The following KLHDC7A variants were observed in gnomAD, a reference collection of about 807,000 sequenced individuals.
KLHDC7A encodes the protein kelch domain-containing protein 7A.
For synonymous variants in KLHDC7A, 464 were observed against 461.0 expected (o/e 1.01, Z -0.08); for missense variants, 1,123 against 1,052.6 (o/e 1.07, Z -0.93).
In KLHDC7A at chr1:18,481,542, A is replaced by G. The variant is rs900572478; in HGVS notation, c.561A>G (p.Pro187=). ...GCTGTGCCGGTGGTGAGCCTTCTCC[A>G]TGGCAGGACAGTAAACCCCGTGAGC... ...DGSCAGGEPS[P]WQDSKPREHP... Residue 187 remains proline (P), a synonymous_variant, in exon 1 of 1, where the codon CCA becomes CCG. Transcript: ENST00000400664. The G allele has an allele frequency of 6.2e-7, 1 of 1,613,262 alleles. No individual in the cohort carries two copies. Among genetic ancestry groups the G allele is most frequent in the Non-Finnish European group, 8.5e-7 (1 of 1,179,924 alleles).
Position 18,481,647 on chromosome 1 carries a change from C to G in KLHDC7A, c.666C>G (p.Ser222Arg). The change falls in exon 1 of 1, where the codon AGC (serine) becomes AGG (arginine). Residue 222 changes from serine (S) to arginine (R), a missense_variant. Transcript: ENST00000400664. ...AAGGCAGCAGTGACATGAACCAGAG[C>G]TGGGTCTTCACCCGTGTGATAGGGG... ...PLQGSSDMNQ[S>R]WVFTRVIGVS... 1.2e-6 allele frequency: 2 copies of G among 1,614,122 alleles called. No homozygotes were observed. Among genetic ancestry groups the G allele is most frequent in the Non-Finnish European group, 1.7e-6 (2 of 1,180,028 alleles).
chr1:18,482,427 G>A lies in KLHDC7A; in HGVS notation c.1446G>A (p.Leu482=). The A allele has an allele frequency of 1.2e-6, 2 of 1,609,350 alleles. No individual in the cohort carries two copies. Among genetic ancestry groups the A allele is most frequent in the East Asian group, 2.2e-5 (1 of 44,868 alleles). ...YGCLSGAERE[L]ILQRRLRGRQ... is the part of the protein sequence containing the mutation. ...GCCTGAGCGGGGCAGAGCGCGAGCT[G>A]ATCCTGCAGCGCCGGCTCCGGGGCC... Residue 482 remains leucine (L), a synonymous_variant, in exon 1 of 1, where the codon CTG becomes CTA. Transcript: ENST00000400664.
At position 18,483,137 on chromosome 1, in the gene KLHDC7A, C is replaced by T. The variant is rs998864083; in HGVS notation, c.2156C>T (p.Ala719Val). 4 of 1,613,934 alleles carry T rather than the reference C, an allele frequency of 2.5e-6. No individual in the cohort carries two copies. Among genetic ancestry groups the T allele is most frequent in the Admixed American group, 1.7e-5 (1 of 60,016 alleles). ...CCTTACCCGGATGCCTTCCAGTGCGCCGTGGTGGACAACCTCATCTACTGC... is the reference window on the plus strand; with the variant it reads ...CCTTACCCGGATGCCTTCCAGTGCGTCGTGGTGGACAACCTCATCTACTGC... ...RTPYPDAFQC[A>V]VVDNLIYCVG... Residue 719 changes from alanine (A) to valine (V), a missense_variant, in exon 1 of 1, where the codon GCC (alanine) becomes GTC (valine). Coordinates refer to ENST00000400664, the MANE Select transcript of KLHDC7A (RefSeq NM_152375.3).
Position 18,481,991 on chromosome 1 carries a change from G to A in KLHDC7A, c.1010G>A (p.Gly337Asp), listed in dbSNP as rs140251743. The change falls in exon 1 of 1, where the codon GGT becomes GAT. Residue 337 changes from glycine (G) to aspartate (D), a missense_variant. Transcript: ENST00000400664. ...GGGGCTGCCTCGGGAGGCCAAGCCG[G>A]TGACACAAAGGGTGCAGCCGAAAGA... ...GTGAASGGQA[G>D]DTKGAAERAA... 1.9e-6 allele frequency: 3 copies of A among 1,612,830 alleles called. No individual in the cohort carries two copies. Among genetic ancestry groups the A allele is most frequent in the Non-Finnish European group, 2.5e-6 (3 of 1,180,000 alleles).
At position 18,482,889 on chromosome 1, in the gene KLHDC7A, C is replaced by T; in HGVS notation, c.1908C>T (p.Ile636=). 1 of 1,611,714 alleles carries T rather than the reference C, an allele frequency of 6.2e-7. No individual in the cohort carries two copies. Among genetic ancestry groups the T allele is most frequent in the Non-Finnish European group, 8.5e-7 (1 of 1,179,648 alleles). Residue 636 remains isoleucine (I), a synonymous_variant, in exon 1 of 1, where the codon ATC becomes ATT. Transcript: ENST00000400664. ...CGGCCACGGTGCGTGCCAAGGAAAT[C>T]TTCGTCACCGGCGGCTCGCTGCGCT... ...AHTATVRAKE[I]FVTGGSLRFL...
chr1:18,481,818 GGGGGTTGAGCCCCGGCTCAA>G lies in KLHDC7A; in HGVS notation c.841_860del (p.Val281GlnfsTer28), dbSNP rs760118750. On this transcript the variant is annotated frameshift_variant, in exon 1 of 1. Coordinates refer to ENST00000400664, the MANE Select transcript of KLHDC7A (RefSeq NM_152375.3). LOFTEE classifies it low-confidence loss of function (END_TRUNC). The stretch of plus-strand genomic sequence containing the variant: ...AGGAGCATTTCATACAGAAGGCGGA[GGGGGTTGAGCCCCGGCTCAA>G]GGGCAAGGTGTACGACTACTATGTG... The G allele has an allele frequency of 3.1e-6, 5 of 1,613,862 alleles. No homozygotes were observed. In the Admixed American group the frequency reaches 8.3e-5, roughly 27 times the overall value.
rs907791026 is a variant in KLHDC7A, at chr1:18,482,398, G to A, written c.1417G>A (p.Gly473Arg). The change falls in exon 1 of 1, where the codon GGG becomes AGG. Residue 473 changes from glycine (G) to arginine (R), a missense_variant. Gly to Arg is a moderately radical substitution (Grantham distance 125). Transcript: ENST00000400664. ...LQVLRSPDIY[G>R]CLSGAERELI... The stretch of plus-strand genomic sequence containing the variant: ...GGTGCTGCGCAGCCCGGACATCTAC[G>A]GGTGCCTGAGCGGGGCAGAGCGCGA... 2.5e-6 allele frequency: 4 copies of A among 1,606,612 alleles called. No homozygotes were observed. The highest frequency in any genetic ancestry group is 3.4e-6 in the Non-Finnish European group (4 of 1,179,944).
Position 18,481,525 on chromosome 1 carries a change from G to A in KLHDC7A, c.544G>A (p.Gly182Ser), listed in dbSNP as rs556773515. 5 of 1,613,246 alleles carry A rather than the reference G, an allele frequency of 3.1e-6. No individual in the cohort carries two copies. Among genetic ancestry groups the A allele is most frequent in the Middle Eastern group, 1.6e-4 (1 of 6,062 alleles). ...LIAAADGSCA[G>S]GEPSPWQDSK... ...TGCAGCAGCCGACGGCAGCTGTGCC[G>A]GTGGTGAGCCTTCTCCATGGCAGGA... is the stretch of plus-strand genomic sequence containing the variant. The change falls in exon 1 of 1, where the codon GGT becomes AGT. Residue 182 changes from glycine to serine, a missense_variant. By Grantham distance (56) the Gly-to-Ser change is moderately conservative. Transcript: ENST00000400664.
rs77256928 is a variant in KLHDC7A, at chr1:18,485,791, C to T, written c.*2476C>T. The T allele has an allele frequency of 5.2e-3, 871 of 166,920 alleles. No individual in the cohort carries two copies. Among genetic ancestry groups the T allele is most frequent in the Non-Finnish European group, 7.9e-3 (539 of 68,126 alleles). The allele number at this position is 166,920 out of a possible 1,614,324, so 10.3% of individuals were successfully genotyped here. A position where few individuals can be genotyped will look rare whatever the true frequency, so the allele number is the denominator to read the frequency against. On this transcript the variant is annotated 3_prime_UTR_variant, in exon 1 of 1. Transcript: ENST00000400664. Reference sequence around the variant, plus strand: ...ATTCTTTCCTAATGATGGCTTGAGTCCTGCCACTCAATGGGAGCATCAGCG... The same window carrying T: ...ATTCTTTCCTAATGATGGCTTGAGTTCTGCCACTCAATGGGAGCATCAGCG...
chr1:18,483,682 T>G lies in KLHDC7A; in HGVS notation c.*367T>G. The G allele has an allele frequency of 8.4e-7, 1 of 1,196,228 alleles. No individual in the cohort carries two copies. Among genetic ancestry groups the G allele is most frequent in the Non-Finnish European group, 1.1e-6 (1 of 942,018 alleles). 74.1% of individuals were successfully genotyped at this position (1,196,228 alleles called of 1,614,324 possible). Reference sequence around the variant, plus strand: ...TGCAATCACAATTCTAGGAGCCAGTTGACCCCAGCAGCCCCTCGCTAGTTG... The same window carrying G: ...TGCAATCACAATTCTAGGAGCCAGTGGACCCCAGCAGCCCCTCGCTAGTTG... On this transcript the variant is annotated 3_prime_UTR_variant, in exon 1 of 1. Transcript: ENST00000400664.
In KLHDC7A at chr1:18,481,801, T is replaced by G. The variant is rs1444653054; in HGVS notation, c.820T>G (p.Phe274Val). Reference sequence around the variant, plus strand: ...AGCCCGCGTCCGAATGGAGGAGCATTTCATACAGAAGGCGGAGGGGGTTGA... The same window carrying G: ...AGCCCGCGTCCGAATGGAGGAGCATGTCATACAGAAGGCGGAGGGGGTTGA... ...SIARVRMEEH[F>V]IQKAEGVEPR... Residue 274 changes from phenylalanine to valine, a missense_variant, in exon 1 of 1, where the codon TTC becomes GTC. By Grantham distance (50) the Phe-to-Val change is conservative (BLOSUM62 -1). Coordinates refer to ENST00000400664, the MANE Select transcript of KLHDC7A (RefSeq NM_152375.3). The G allele has an allele frequency of 6.2e-7, 1 of 1,613,984 alleles. No homozygotes were observed. The highest frequency in any genetic ancestry group is 1.3e-5 in the African/African-American group (1 of 74,924).
Position 18,484,262 on chromosome 1 carries a change from T to C in KLHDC7A, c.*947T>C. 1 of 366,274 alleles carries C rather than the reference T, an allele frequency of 2.7e-6. No homozygotes were observed. The highest frequency in any genetic ancestry group is 5.6e-6 in the Non-Finnish European group (1 of 178,876). 22.7% of individuals were successfully genotyped at this position (366,274 alleles called of 1,614,324 possible). A position where few individuals can be genotyped will look rare whatever the true frequency, so the allele number is the denominator to read the frequency against. ...GGTCACCTGGTTTGCCGCATTCACA[T>C]TTTCAGGTGGATGACCAAGCGGAGG... is the stretch of plus-strand genomic sequence containing the variant. On this transcript the variant is annotated 3_prime_UTR_variant, in exon 1 of 1. Coordinates refer to ENST00000400664, the MANE Select transcript of KLHDC7A (RefSeq NM_152375.3).
In KLHDC7A at chr1:18,482,968, G is replaced by C. The variant is rs202037108; in HGVS notation, c.1987G>C (p.Gly663Arg). ...QEQRWWAGPT[G>R]GSKDRTAEMV... ...GCAGCGCTGGTGGGCCGGCCCCACC[G>C]GGGGCAGCAAGGACCGCACGGCCGA... Residue 663 changes from glycine to arginine, a missense_variant, in exon 1 of 1, where the codon GGG (glycine) becomes CGG (arginine). Gly to Arg is a moderately radical substitution (Grantham distance 125). Coordinates refer to ENST00000400664, the MANE Select transcript of KLHDC7A (RefSeq NM_152375.3). 208 of 1,612,408 alleles carry C rather than the reference G, an allele frequency of 1.3e-4. No homozygotes were observed. Among genetic ancestry groups the C allele is most frequent in the Non-Finnish European group, 1.7e-4 (204 of 1,179,790 alleles).
chr1:18,482,418 G>T lies in KLHDC7A; in HGVS notation c.1437G>T (p.Glu479Asp). 6.2e-7 allele frequency: 1 copy of T among 1,608,416 alleles called. No homozygotes were observed. Among genetic ancestry groups the T allele is most frequent in the Non-Finnish European group, 8.5e-7 (1 of 1,179,938 alleles). Residue 479 changes from glutamate (E) to aspartate (D), a missense_variant, in exon 1 of 1, where the codon GAG (glutamate) becomes GAT (aspartate). Coordinates refer to ENST00000400664, the MANE Select transcript of KLHDC7A (RefSeq NM_152375.3). ...TCTACGGGTGCCTGAGCGGGGCAGAGCGCGAGCTGATCCTGCAGCGCCGGC... is the reference window on the plus strand; with the variant it reads ...TCTACGGGTGCCTGAGCGGGGCAGATCGCGAGCTGATCCTGCAGCGCCGGC... ...PDIYGCLSGA[E>D]RELILQRRLR...
chr1:18,483,443 G>C lies in KLHDC7A; in HGVS notation c.*128G>C. On this transcript the variant is annotated 3_prime_UTR_variant, in exon 1 of 1. Transcript: ENST00000400664. ...TGTGGCCATCAAGAGGTGAATTCCG[G>C]TCCTTTCTCCTCCCCTAGCTGGGGA... 2 of 1,493,850 alleles carry C rather than the reference G, an allele frequency of 1.3e-6. No individual in the cohort carries two copies. The highest frequency in any genetic ancestry group is 1.8e-6 in the Non-Finnish European group (2 of 1,122,756). 92.5% of individuals were successfully genotyped at this position (1,493,850 alleles called of 1,614,324 possible). A position where few individuals can be genotyped will look rare whatever the true frequency, so the allele number is the denominator to read the frequency against.
chr1:18,481,514 G>T lies in KLHDC7A; in HGVS notation c.533G>T (p.Gly178Val), dbSNP rs754105519. The T allele has an allele frequency of 1.2e-6, 2 of 1,613,418 alleles. No individual in the cohort carries two copies. Among genetic ancestry groups the T allele is most frequent in the Non-Finnish European group, 1.7e-6 (2 of 1,180,036 alleles). ...SPAGLIAAAD[G>V]SCAGGEPSPW... ...GCTGGACTCATTGCAGCAGCCGACG[G>T]CAGCTGTGCCGGTGGTGAGCCTTCT... The change falls in exon 1 of 1, where the codon GGC (glycine) becomes GTC (valine). Residue 178 changes from glycine to valine, a missense_variant. Transcript: ENST00000400664.
rs576576320 is a variant in KLHDC7A at position 18,481,162 on chromosome 1, G to T, written c.181G>T (p.Glu61Ter). 2.0e-5 allele frequency: 33 copies of T among 1,612,202 alleles called. No individual in the cohort carries two copies. In the Admixed American group the frequency reaches 3.5e-4, roughly 17 times the overall value. Residue 61 changes from glutamate (E) to a stop codon, truncating the protein, a stop_gained, in exon 1 of 1, where the codon GAG becomes TAG. Transcript: ENST00000400664. LOFTEE classifies it low-confidence loss of function (END_TRUNC). ...NGQAEAKEEA[E>*]GSGQPAVQEA... is the part of the protein sequence containing the mutation. ...CCAGGCAGAAGCCAAGGAGGAAGCA[G>T]AGGGCTCAGGGCAGCCTGCTGTACA...
chr1:18,482,407 AG>A lies in KLHDC7A; in HGVS notation c.1427del (p.Ser476ThrfsTer7). 4 of 1,607,310 alleles carry A rather than the reference AG, an allele frequency of 2.5e-6. No individual in the cohort carries two copies. The highest frequency in any genetic ancestry group is 3.4e-6 in the Non-Finnish European group (4 of 1,179,924). ...CAGCCCGGACATCTACGGGTGCCTG[AG>A]CGGGGCAGAGCGCGAGCTGATCCTG... ...LRSPDIYGCLSGAERELILQR... is the reference protein window; with the variant it reads ...LRSPDIYGCLXGAERELILQR... On this transcript the variant is annotated frameshift_variant, in exon 1 of 1. Coordinates refer to ENST00000400664, the MANE Select transcript of KLHDC7A (RefSeq NM_152375.3). LOFTEE classifies it low-confidence loss of function (END_TRUNC).
Position 18,481,562 on chromosome 1 carries a change from G to C in KLHDC7A, c.581G>C (p.Arg194Pro), listed in dbSNP as rs7515150. The change falls in exon 1 of 1, where the codon CGT becomes CCT. Residue 194 changes from arginine to proline, a missense_variant. Arg to Pro is a moderately radical substitution (Grantham distance 103). Transcript: ENST00000400664. ...TCTCCATGGCAGGACAGTAAACCCC[G>C]TGAGCATCCAGGACTGGGGCAACTA... ...EPSPWQDSKP[R>P]EHPGLGQLEP... The C allele has an allele frequency of 0.12, 192,504 of 1,613,282 alleles. 11,953 individuals are homozygous for C. The highest frequency in any genetic ancestry group is 0.15 in the Admixed American group (8,972 of 60,002).
Sources: allele counts gnomAD v4.1 joint callset, GRCh38; gene constraint gnomAD v4.1.1; transcripts MANE v1.5; gene names NCBI Gene and HGNC (gene_info 2026-07-23, HGNC 2026-07-21).